Variants in OLA1 observed in about 807,000 individuals in gnomAD.
OLA1 encodes the protein Obg like ATPase 1.
OLA1 carries 14 observed loss-of-function variants against 48.4 expected under a neutral mutation model. The observed-to-expected ratio is 0.29, with a 90% CI of 0.19 to 0.45. The LOEUF (loss-of-function observed/expected upper bound fraction) is 0.45, where lower values mean the gene tolerates loss of function less well. OLA1 is among the 20% of genes least tolerant of loss of function. OLA1 has a pLI of 1.00. For missense variants in OLA1, 325 were observed against 467.1 expected (o/e 0.70, Z 2.80); for synonymous variants, 127 against 150.4 (o/e 0.84, Z 1.14).
intron 4 of OLA1, among the ~76,000 whole-genome samples, chr2:174,199,240 G>T (rs1236361697): frequency 2.6e-5 from 4 of 152,112 alleles, no homozygotes; most frequent in Non-Finnish European, 4.4e-5. Context: ...TTAATCTTTT[G>T]TATCTGGCAG....
chr2:174,157,716 T>C (rs942759487), intron 4 of OLA1, among the ~76,000 whole-genome samples: 4 of 152,124 alleles, frequency 2.6e-5, no homozygotes, highest in African/African-American at 4.8e-5. Flanking sequence ...TTCTAAGATA[T>C]AGAAGGGGAA....
At chr2:174,182,947 T>C (rs1013500062) in intron 4 of OLA1, among the ~76,000 whole-genome samples, 17 of 152,226 alleles carry the variant, frequency 1.1e-4, no homozygotes, top group Non-Finnish European at 2.4e-4. Flanking sequence ...TCTCACTGTT[T>C]GTCAAAGAAT....
At chr2:174,235,444 C>T (rs1431233698) in intron 2 of OLA1, among the ~76,000 whole-genome samples, 1 of 152,162 alleles carries the variant, frequency 6.6e-6, no homozygotes, top group Non-Finnish European at 1.5e-5. Flanking sequence ...AACTGCCCTC[C>T]TGCTACAAAG....
intron 10 of OLA1, among the ~76,000 whole-genome samples, chr2:174,078,161 C>CT (rs1491448856): frequency 1.3e-5 from 2 of 151,910 alleles, no homozygotes; most frequent in Admixed American, 1.3e-4. Context: ...CTGAAATAAA[C>CT]TTTTTTGTAT....
At chr2:174,183,344 A>G (rs1162791414) in intron 4 of OLA1, among the ~76,000 whole-genome samples, 1 of 152,218 alleles carries the variant, frequency 6.6e-6, no homozygotes, top group Non-Finnish European at 1.5e-5. Flanking sequence ...AACTAAGACC[A>G]GAAGAGTTCA....
At chr2:174,179,327 A>C (rs1687482417) in intron 4 of OLA1, among the ~76,000 whole-genome samples, 1 of 151,908 alleles carries the variant, frequency 6.6e-6, no homozygotes, top group African/African-American at 2.4e-5. Context: ...ACGTCTCAAA[A>C]TAGTTATGCA....
At chr2:174,243,493 C>T (rs1181132748) in intron 2 of OLA1, among the ~76,000 whole-genome samples, 1 of 152,164 alleles carries the variant, frequency 6.6e-6, no homozygotes, top group East Asian at 1.9e-4. Flanking sequence ...AAATATGTAT[C>T]CCATTAACAA....
chr2:174,178,926 C>G (rs1430120709), intron 4 of OLA1, among the ~76,000 whole-genome samples: 1 of 151,860 alleles, frequency 6.6e-6, no homozygotes, highest in Non-Finnish European at 1.5e-5. Context: ...TCTACTTCCA[C>G]CAGAAAGGAA....
At chr2:174,189,828 G>A in intron 4 of OLA1, among the ~76,000 whole-genome samples, 1 of 140,680 alleles carries the variant, frequency 7.1e-6, no homozygotes, top group Non-Finnish European at 1.5e-5. Flanking sequence ...ACTGAATTAT[G>A]AATTTGGCCT....
At chr2:174,235,881 T>C (rs146205318) in intron 2 of OLA1, among the ~76,000 whole-genome samples, 229 of 152,240 alleles carry the variant, frequency 1.5e-3, no homozygotes, top group African/African-American at 5.3e-3. Flanking sequence ...CACATGGAGA[T>C]TGGAACAGTT....
At chr2:174,220,873 C>T (rs55930000) in intron 4 of OLA1, among the ~76,000 whole-genome samples, 384 of 152,230 alleles carry the variant, frequency 2.5e-3, no homozygotes, top group African/African-American at 9.0e-3. Flanking sequence ...TGTCCCCTAA[C>T]TTTCGGATGT....
intron 4 of OLA1, among the ~76,000 whole-genome samples, chr2:174,185,330 A>C (rs1320350444): frequency 6.6e-6 from 1 of 152,202 alleles, no homozygotes; most frequent in South Asian, 2.1e-4. Flanking sequence ...GTAAAAAATA[A>C]AATAAAATAA....
At chr2:174,090,826 G>T (rs1011657612) in intron 7 of OLA1, among the ~76,000 whole-genome samples, 1 of 152,148 alleles carries the variant, frequency 6.6e-6, no homozygotes, top group Non-Finnish European at 1.5e-5. Flanking sequence ...ATGACATTTA[G>T]GGTTATTTTC....
At chr2:174,208,743 C>T (rs1688170964) in intron 4 of OLA1, among the ~76,000 whole-genome samples, 1 of 152,162 alleles carries the variant, frequency 6.6e-6, no homozygotes, top group African/African-American at 2.4e-5. Flanking sequence ...CATATCTGTA[C>T]TCCCTCCTCC....
At chr2:174,218,004 CT>C (rs35622617) in intron 4 of OLA1, 10,642 of 149,342 alleles carry the variant, frequency 0.071, 509 homozygotes, top group Middle Eastern at 0.11. Flanking sequence ...TATTCTCTTT[CT>C]TTTTTTTTTA....
chr2:174,142,223 A>G (rs1471202133), intron 4 of OLA1, among the ~76,000 whole-genome samples: 1 of 152,234 alleles, frequency 6.6e-6, no homozygotes, highest in Non-Finnish European at 1.5e-5. Context: ...ATTGATTTAA[A>G]TAAATAAAAT....
At chr2:174,209,892 T>A (rs917191756) in intron 4 of OLA1, among the ~76,000 whole-genome samples, 1 of 152,224 alleles carries the variant, frequency 6.6e-6, no homozygotes, top group Non-Finnish European at 1.5e-5. Context: ...TGTGTAACAA[T>A]GTTCACTTCA....
intron 4 of OLA1, among the ~76,000 whole-genome samples, chr2:174,152,946 C>T (rs577679321): frequency 2.0e-5 from 3 of 152,256 alleles, no homozygotes; most frequent in Admixed American, 2.0e-4. Flanking sequence ...TGTGCTTTTG[C>T]TTTGCTTCTC....
intron 4 of OLA1, among the ~76,000 whole-genome samples, chr2:174,219,711 C>T (rs540923239): frequency 3.3e-5 from 5 of 152,198 alleles, no homozygotes; most frequent in East Asian, 3.9e-4. Context: ...CATGAGCCAC[C>T]GTGCTCAGCC....
Sources: allele counts gnomAD v4.1 joint callset (sites outside exome capture counted in the v4.1 genomes callset), GRCh38; gene constraint gnomAD v4.1.1; transcripts MANE v1.5; gene names NCBI Gene and HGNC (gene_info 2026-07-23, HGNC 2026-07-21).